Variants in PFKP observed in about 807,000 individuals in gnomAD.
The protein encoded by PFKP is phosphofructokinase, platelet, also known as ATP-dependent 6-phosphofructokinase, platelet type.
Under a neutral mutation model 94.3 loss-of-function variants are expected in PFKP, and 101 were observed. That is an observed-to-expected ratio of 1.07 (90% confidence interval 0.91 to 1.26). PFKP has a LOEUF of 1.26. Among genes scored for constraint, PFKP ranks in the 50% most tolerant of loss-of-function variants. The pLI, the probability that PFKP is intolerant of heterozygous loss-of-function variation, is 0.00. For missense variants in PFKP, 1,145 were observed against 1,103.3 expected, an observed-to-expected ratio of 1.04 and a Z score of -0.53; for synonymous variants, 573 against 432.6, an observed-to-expected ratio of 1.32 and a Z score of -4.03.
chr10:3,092,658 TTA>T (rs1834132879), intron 2 of PFKP, among the ~76,000 whole-genome samples: 1 of 150,278 alleles, frequency 6.7e-6, no homozygotes, highest in African/African-American at 2.4e-5. Context: ...ATATGTAAAA[TTA>T]TATGTGTCAA....
chr10:3,088,491 G>T (rs963709199), intron 2 of PFKP, among the ~76,000 whole-genome samples: 16 of 152,196 alleles, frequency 1.1e-4, no homozygotes, highest in South Asian at 4.2e-4. Context: ...GCAAAGCCCC[G>T]GCTGACCTGG....
At chr10:3,079,657 CGGGGTGGGGG>C (rs1323214331) in intron 1 of PFKP, among the ~76,000 whole-genome samples, 1 of 7,794 alleles carries the variant, frequency 1.3e-4, no homozygotes, top group Non-Finnish European at 3.1e-4. Context: ...CTTCAGAGAG[CGGGGTGGGGG>C]GGGGGGGAAG....
At chr10:3,107,485 C>T (rs907767112) in intron 8 of PFKP, among the ~76,000 whole-genome samples, 176 bp downstream of exon 8, 1 of 152,234 alleles carries the variant, frequency 6.6e-6, no homozygotes, top group Non-Finnish European at 1.5e-5. Context: ...AGCTCCCGCT[C>T]CTGGGAGCCC....
At chr10:3,083,114 T>G (rs906565076) in intron 2 of PFKP, among the ~76,000 whole-genome samples, 1 of 152,252 alleles carries the variant, frequency 6.6e-6, no homozygotes, top group Non-Finnish European at 1.5e-5. Context: ...TGTATTTGTC[T>G]GAGGCTCTTA....
At chr10:3,134,774 G>A (rs1839032620) in intron 20 of PFKP, among the ~76,000 whole-genome samples, 192 bp downstream of exon 20, 1 of 152,226 alleles carries the variant, frequency 6.6e-6, no homozygotes, top group African/African-American at 2.4e-5. Context: ...GATAAGATCA[G>A]CTTGGGTATG....
At chr10:3,088,163 A>C in intron 2 of PFKP, among the ~76,000 whole-genome samples, 1 of 98,270 alleles carries the variant, frequency 1.0e-5, no homozygotes, top group Non-Finnish European at 1.9e-5. Context: ...ACCCCACAAC[A>C]GGCCCCGGTG....
intron 19 of PFKP, among the ~76,000 whole-genome samples, chr10:3,133,809 A>T (rs1838884525): frequency 6.6e-6 from 1 of 152,166 alleles, no homozygotes; most frequent in African/African-American, 2.4e-5. Flanking sequence ...AGTAATGGGG[A>T]TTTTAAGGGA....
chr10:3,135,876 A>ATGTGAGTACG (rs1469761367), intron 21 of PFKP, 38 bp downstream of exon 21: 1 of 1,246,712 alleles, frequency 8.0e-7, no homozygotes, highest in African/African-American at 1.5e-5. Flanking sequence ...TAAGACCCCA[A>ATGTGAGTACG]TGTGAGTACG....
In PFKP at chr10:3,122,656, T is replaced by C. The variant is rs542421579; in HGVS notation, c.1683+2612T>C. Among the ~76,000 whole-genome samples the C allele has an allele frequency of 1.9e-4, 29 of 152,350 alleles. No homozygotes were observed. The East Asian group carries it at 4.6e-3, about 24-fold the overall frequency. ...CTGAGGACGCATGGGAGTGAGCGTC[T>C]CTTCCCTGTCCGGCCACACCCTCTG... On this transcript the variant is annotated intron_variant, in intron 16 of 21. Coordinates refer to ENST00000381125, the MANE Select transcript of PFKP (RefSeq NM_002627.5).
In PFKP at chr10:3,106,991, C is replaced by T. The variant is rs115533487; in HGVS notation, c.775-223C>T. Reference sequence around the variant, plus strand: ...CCTGCCCCTTCACCCCTGCCCCTCTCCTCGCCCCTGCCCCTCCTCTCACCC... The same window carrying T: ...CCTGCCCCTTCACCCCTGCCCCTCTTCTCGCCCCTGCCCCTCCTCTCACCC... On this transcript the variant is annotated intron_variant, in intron 7 of 21. Transcript: ENST00000381125. 2.2e-3 allele frequency among the ~76,000 whole-genome samples: 145 copies of T among 67,410 alleles called. 3 individuals are homozygous for T. Among genetic ancestry groups the T allele is most frequent in the African/African-American group, 9.6e-3 (139 of 14,484 alleles). The allele number at this position is 67,410 out of a possible 152,430, so 44.2% of individuals were successfully genotyped here.
Position 3,135,821 on chromosome 10 carries a change from G to A in PFKP, c.2208G>A (p.Lys736=). ...NVIFQPVAEL[K]KQTDFEHRIP... is the part of the protein sequence containing the mutation. ...TTTTTCAACCTGTGGCAGAGCTGAAGAAGCAAACGGATTTTGAGTAAGTTG... is the reference window on the plus strand; with the variant it reads ...TTTTTCAACCTGTGGCAGAGCTGAAAAAGCAAACGGATTTTGAGTAAGTTG... The change falls in exon 21 of 22, where the codon AAG becomes AAA. Residue 736 remains lysine, a synonymous_variant. Transcript: ENST00000381125. The A allele has an allele frequency of 6.2e-7, 1 of 1,611,600 alleles. No individual in the cohort carries two copies. The highest frequency in any genetic ancestry group is 1.1e-5 in the South Asian group (1 of 91,008).
At chr10:3,108,318 A>G (rs1462921669) in intron 8 of PFKP, among the ~76,000 whole-genome samples, 1 of 152,232 alleles carries the variant, frequency 6.6e-6, no homozygotes, top group Non-Finnish European at 1.5e-5. Context: ...TGCTGTTCAA[A>G]TCACAGCTGA....
At chr10:3,091,057 C>T (rs1036084887) in intron 2 of PFKP, among the ~76,000 whole-genome samples, 2 of 152,084 alleles carry the variant, frequency 1.3e-5, no homozygotes, top group Admixed American at 6.5e-5. Flanking sequence ...ATCGAGGGAC[C>T]TCTGCTGTCT....
At chr10:3,111,181 T>A (rs1218141814) in intron 10 of PFKP, among the ~76,000 whole-genome samples, 1 of 152,118 alleles carries the variant, frequency 6.6e-6, no homozygotes, top group African/African-American at 2.4e-5. Flanking sequence ...TGTGTGTATG[T>A]TTGTGAGAGG....
At position 3,067,573 on chromosome 10, in the gene PFKP, C is replaced by A. The variant is rs952660413; in HGVS notation, c.-23C>A. On this transcript the variant is annotated 5_prime_UTR_variant, in exon 1 of 22. Coordinates refer to ENST00000381125, the MANE Select transcript of PFKP (RefSeq NM_002627.5). ...ATTGCCTGCTGCGCACCCGGACGTG[C>A]GGCTCCCCTCGGCCTCCTCGCCATG... The A allele has an allele frequency of 6.8e-6, 9 of 1,329,404 alleles. No homozygotes were observed. The highest frequency in any genetic ancestry group is 1.3e-5 in the South Asian group (1 of 77,776). The allele number at this position is 1,329,404 out of a possible 1,614,324, so 82.4% of individuals were successfully genotyped here.
intron 2 of PFKP, among the ~76,000 whole-genome samples, chr10:3,087,375 C>T (rs548775046): frequency 9.2e-5 from 14 of 152,194 alleles, no homozygotes; most frequent in East Asian, 5.8e-4. Context: ...GCTGTCTGGA[C>T]GAGGTCTGGA....
intron 1 of PFKP, chr10:3,068,791 G>C: frequency 1.4e-6 from 1 of 738,896 alleles, no homozygotes; most frequent in Non-Finnish European, 1.7e-6. Context: ...CTTAGCGATC[G>C]CGCAGGCTGG....
chr10:3,082,681 AG>A (rs1564272012), intron 2 of PFKP, among the ~76,000 whole-genome samples: 1 of 152,184 alleles, frequency 6.6e-6, no homozygotes. Flanking sequence ...AGGCAAGAGG[AG>A]AAAGGAGATG....
At position 3,105,413 on chromosome 10, in the gene PFKP, C is replaced by T. The variant is rs755328757; in HGVS notation, c.686C>T (p.Ala229Val). Residue 229 changes from alanine to valine, a missense_variant, in exon 7 of 22, where the codon GCC (alanine) becomes GTC (valine). Ala to Val is a moderately conservative substitution (Grantham distance 64). Around this residue, in one of 3 missense-constraint regions of PFKP, gnomAD observed 1,119 missense variants for 1,062.8 expected, o/e 1.05. Transcript: ENST00000381125. The stretch of plus-strand genomic sequence containing the variant: ...CATAGGTACCTGGCCCTGGTGAGTG[C>T]CTTGGCCTGCGGTGCGGACTGGGTG... ...RHCGYLALVS[A>V]LACGADWVFL... 1 of 1,613,782 alleles carries T rather than the reference C, an allele frequency of 6.2e-7. No homozygotes were observed. Among genetic ancestry groups the T allele is most frequent in the Non-Finnish European group, 8.5e-7 (1 of 1,179,802 alleles).
Sources: gnomAD v4.1 joint callset for allele counts (sites outside exome capture counted in the v4.1 genomes callset) on GRCh38, gnomAD v4.1.1 for gene constraint, gnomAD v4.1.1 regional missense constraint, MANE v1.5 for transcripts, NCBI Gene and HGNC (gene_info 2026-07-23, HGNC 2026-07-21) for gene names.